Variants in CACNG3 observed in about 807,000 individuals in gnomAD.
CACNG3 encodes voltage-dependent calcium channel gamma-3 subunit.
CACNG3 carries 3 observed loss-of-function variants against 28.5 expected under a neutral mutation model. The observed-to-expected ratio is 0.11, with a 90% confidence interval of 0.05 to 0.27. CACNG3 has a LOEUF of 0.27. Ranked by LOEUF, CACNG3 falls within the 10% of genes least tolerant of loss-of-function variation. The probability of loss-of-function intolerance (pLI) is 1.00; values close to 1 mark genes in which losing one functional copy is unlikely to be tolerated. For missense variants in CACNG3, 236 were observed against 414.4 expected (o/e 0.57, Z 3.74); for synonymous variants, 174 against 162.2 (o/e 1.07, Z -0.55).
rs545612089 is a variant in CACNG3, at chr16:24,359,066, G to A, written c.437-2286G>A. 2.1e-3 allele frequency among the ~76,000 whole-genome samples: 322 copies of A among 151,896 alleles called. 1 individual carries two copies. Among genetic ancestry groups the A allele is most frequent in the African/African-American group, 6.0e-3 (250 of 41,406 alleles). On this transcript the variant is annotated intron_variant, in intron 3 of 3. Transcript: ENST00000005284. The stretch of plus-strand genomic sequence containing the variant: ...TTCTTTCTTTCCTTCCCCACTCCCC[G>A]CCACCCACCGTGCTGCCCCCAGAAA...
At chr16:24,333,570 C>T (rs1001137900) in intron 1 of CACNG3, 7 of 152,278 alleles carry the variant, frequency 4.6e-5, no homozygotes, top group Admixed American at 1.3e-4. Context: ...TTTGAGTGGA[C>T]TCACCTGAAG....
intron 1 of CACNG3, among the ~76,000 whole-genome samples, chr16:24,287,466 C>T (rs1301655025): frequency 7.3e-6 from 1 of 137,334 alleles, no homozygotes; most frequent in Non-Finnish European, 1.5e-5. Flanking sequence ...TGCAGTGAGC[C>T]GAGATCAAGC....
At chr16:24,355,167 G>A (rs1900012748) in intron 3 of CACNG3, among the ~76,000 whole-genome samples, 194 bp downstream of exon 3, 1 of 147,900 alleles carries the variant, frequency 6.8e-6, no homozygotes, top group South Asian at 2.2e-4. Flanking sequence ...CCGGCATGAA[G>A]GAAAAACAGG....
chr16:24,345,926 A>G (rs575106902), intron 1 of CACNG3, among the ~76,000 whole-genome samples: 6 of 152,292 alleles, frequency 3.9e-5, no homozygotes, highest in African/African-American at 1.2e-4. Flanking sequence ...TGCCGGTTCT[A>G]TTTAGGTTGG....
chr16:24,344,355 G>C (rs1899830321), intron 1 of CACNG3, among the ~76,000 whole-genome samples: 1 of 151,326 alleles, frequency 6.6e-6, no homozygotes, highest in Non-Finnish European at 1.5e-5. Context: ...GTTGCAGCGA[G>C]TTGAGATCGT....
At chr16:24,292,430 C>T (rs902436199) in intron 1 of CACNG3, among the ~76,000 whole-genome samples, 4 of 152,182 alleles carry the variant, frequency 2.6e-5, no homozygotes, top group Non-Finnish European at 5.9e-5. Flanking sequence ...GACACTGATT[C>T]CTTTTTGACA....
Position 24,256,733 on chromosome 16 carries a change from G to A in CACNG3, c.-22G>A, listed in dbSNP as rs772222270. ...GACTCTCCCCCTCCAACCCCCAGCC[G>A]TCCAGAGTACCATGAAGAATTATGA... On this transcript the variant is annotated 5_prime_UTR_variant, in exon 1 of 4. Coordinates refer to ENST00000005284, the MANE Select transcript of CACNG3 (RefSeq NM_006539.4). The surrounding 1 kb of genome is among the most constrained non-coding windows in gnomAD (Gnocchi z 4.6). 1.5e-5 allele frequency: 23 copies of A among 1,555,068 alleles called. No homozygotes were observed. Among genetic ancestry groups the A allele is most frequent in the East Asian group, 2.2e-5 (1 of 44,620 alleles).
At chr16:24,258,604 T>G (rs2141342363) in intron 1 of CACNG3, among the ~76,000 whole-genome samples, 1 of 152,322 alleles carries the variant, frequency 6.6e-6, no homozygotes, top group South Asian at 2.1e-4. Context: ...TTTGTGAGCA[T>G]TTGTGATTGG....
Position 24,354,439 on chromosome 16 carries a change from G to C in CACNG3, c.296-394G>C, listed in dbSNP as rs1900001589. ...GGGCAGTAGTCGCTGGGCTGAGGAG[G>C]GAGAATGGGCGTTTGAGAGCCTTTT... On this transcript the variant is annotated intron_variant, in intron 2 of 3. Coordinates refer to ENST00000005284, the MANE Select transcript of CACNG3 (RefSeq NM_006539.4). Among the ~76,000 whole-genome samples, 7 of 152,026 alleles carry C rather than the reference G, an allele frequency of 4.6e-5. No individual in the cohort carries two copies. The South Asian group carries it at 1.5e-3, about 32-fold the overall frequency.
At chr16:24,313,044 A>C (rs1166281851) in intron 1 of CACNG3, among the ~76,000 whole-genome samples, 1 of 144,428 alleles carries the variant, frequency 6.9e-6, no homozygotes, top group Non-Finnish European at 1.5e-5. Context: ...GAAGAGAAAG[A>C]GAGGGAGAGA....
At chr16:24,273,177 G>A (rs1412161369) in intron 1 of CACNG3, among the ~76,000 whole-genome samples, 1 of 152,176 alleles carries the variant, frequency 6.6e-6, no homozygotes, top group Non-Finnish European at 1.5e-5. Context: ...ATCCACGTCA[G>A]AGATACTGCT....
intron 2 of CACNG3, among the ~76,000 whole-genome samples, chr16:24,351,228 T>G (rs1188831044): frequency 6.6e-6 from 1 of 152,068 alleles, no homozygotes; most frequent in East Asian, 1.9e-4. Flanking sequence ...AACTTACACA[T>G]GTAAGTTTCT....
Position 24,334,526 on chromosome 16 carries a change from C to T in CACNG3, c.212-12208C>T, listed in dbSNP as rs542758540. ...TGGATGTGAGAAGACCATCAAGAGG[C>T]TCTACTGATATCCTCTCCTTCCACT... On this transcript the variant is annotated intron_variant, in intron 1 of 3. Coordinates refer to ENST00000005284, the MANE Select transcript of CACNG3 (RefSeq NM_006539.4). Among the ~76,000 whole-genome samples, 10 of 152,338 alleles carry T rather than the reference C, an allele frequency of 6.6e-5. No individual in the cohort carries two copies. The East Asian group carries it at 1.7e-3, about 26-fold the overall frequency.
intron 1 of CACNG3, among the ~76,000 whole-genome samples, chr16:24,288,201 G>T (rs1293290335): frequency 6.6e-6 from 1 of 152,196 alleles, no homozygotes; most frequent in East Asian, 1.9e-4. Context: ...TGGTGATGGT[G>T]ATGGTGATGA....
chr16:24,351,085 A>T (rs1899933301), intron 2 of CACNG3, among the ~76,000 whole-genome samples: 1 of 152,354 alleles, frequency 6.6e-6, no homozygotes, highest in East Asian at 1.9e-4. Context: ...AGGACTTTGC[A>T]GCAGGCCAGA....
chr16:24,337,139 C>G (rs1212969498), intron 1 of CACNG3, among the ~76,000 whole-genome samples: 1 of 152,130 alleles, frequency 6.6e-6, no homozygotes, highest in African/African-American at 2.4e-5. Context: ...AGATAGGAAT[C>G]TTGAGAGGAC....
chr16:24,321,389 C>G (rs1025003233), intron 1 of CACNG3, among the ~76,000 whole-genome samples: 2 of 151,424 alleles, frequency 1.3e-5, no homozygotes, highest in African/African-American at 4.9e-5. Context: ...TGCAATGAGC[C>G]GAGATCTCAC....
At chr16:24,288,253 T>C (rs1036062662) in intron 1 of CACNG3, among the ~76,000 whole-genome samples, 10 of 152,180 alleles carry the variant, frequency 6.6e-5, no homozygotes, top group Admixed American at 2.0e-4. Context: ...TTTCTGTTTA[T>C]TGAACATCTT....
At chr16:24,330,607 A>G (rs909169907) in intron 1 of CACNG3, among the ~76,000 whole-genome samples, 3 of 152,240 alleles carry the variant, frequency 2.0e-5, no homozygotes, top group African/African-American at 7.2e-5. Context: ...GTAGGTGCCC[A>G]GGAATGCACT....
Sources: gnomAD v4.1 joint callset for allele counts (sites outside exome capture counted in the v4.1 genomes callset) on GRCh38, gnomAD v4.1.1 for gene constraint, Gnocchi (gnomAD v3.1) non-coding constraint, MANE v1.5 for transcripts, NCBI Gene and HGNC (gene_info 2026-07-23, HGNC 2026-07-21) for gene names.